Variants in NKTR observed in about 807,000 individuals in gnomAD.
NKTR encodes the protein natural killer cell triggering receptor.
A neutral mutation model predicts 156.3 loss-of-function variants in NKTR; 67 were observed. The observed-to-expected ratio is 0.43, with a 90% CI of 0.35 to 0.53. The LOEUF (loss-of-function observed/expected upper bound fraction) is 0.53, where lower values mean the gene tolerates loss of function less well. Among genes scored for constraint, NKTR ranks in the 20% least tolerant of loss-of-function variants. NKTR has a pLI of 0.01. For synonymous variants in NKTR, 640 were observed against 596.6 expected (o/e 1.07, Z -1.06); for missense variants, 1,604 against 1,730.9 (o/e 0.93, Z 1.30).
At chr3:42,601,197 T>G (rs1027635199) in intron 2 of NKTR, 133 bp downstream of exon 2, 2 of 662,270 alleles carry the variant, frequency 3.0e-6, no homozygotes, top group Admixed American at 6.9e-5. Flanking sequence ...CGTTTTCTCT[T>G]GAGAGAAAAT....
At chr3:42,618,935 G>A in intron 3 of NKTR, 85 bp from the exon 4 acceptor site, 1 of 1,154,762 alleles carries the variant, frequency 8.7e-7, no homozygotes, top group Middle Eastern at 2.3e-4. Flanking sequence ...GGAAAGATTT[G>A]ACACAGGATT....
At chr3:42,633,781 C>G (rs1178146263) in intron 10 of NKTR, 46 bp downstream of exon 10, 1 of 1,607,818 alleles carries the variant, frequency 6.2e-7, no homozygotes, top group African/African-American at 1.3e-5. Flanking sequence ...TCCGATAACA[C>G]TGTTCCGTCA....
chr3:42,636,761 C>T, intron 12 of NKTR, 107 bp from the exon 13 acceptor site: 1 of 1,438,830 alleles, frequency 7.0e-7, no homozygotes, highest in Non-Finnish European at 9.1e-7. Context: ...CCTGCGTGTG[C>T]TTAAAGTGTT....
chr3:42,630,331 T>G, intron 6 of NKTR: 1 of 1,386,600 alleles, frequency 7.2e-7, no homozygotes, highest in Non-Finnish European at 9.3e-7. Flanking sequence ...GAGATGATTG[T>G]AATTCATTAT....
chr3:42,604,051 A>C (rs1278339979), intron 2 of NKTR, among the ~76,000 whole-genome samples: 1 of 152,098 alleles, frequency 6.6e-6, no homozygotes, highest in Non-Finnish European at 1.5e-5. Flanking sequence ...GTTTTTATTA[A>C]AGAAATTGGT....
Position 42,632,612 on chromosome 3 carries a change from AAAAG to A in NKTR, c.563_566del (p.Lys188ArgfsTer66), listed in dbSNP as rs1253799167. Reference sequence around the variant, plus strand: ...ATGTTTCTTAAAAGTTTTTGAGAAAAAAAGGAAGAAACCAACTCATTCAGAAGGC... The same window carrying A: ...ATGTTTCTTAAAAGTTTTTGAGAAAAGAAGAAACCAACTCATTCAGAAGGC... On this transcript the variant is annotated frameshift_variant, in exon 9 of 17. Transcript: ENST00000232978. LOFTEE classifies it high-confidence loss of function. 2.5e-6 allele frequency: 4 copies of A among 1,598,764 alleles called. No individual in the cohort carries two copies. Among genetic ancestry groups the A allele is most frequent in the African/African-American group, 1.4e-5 (1 of 73,866 alleles).
intron 2 of NKTR, among the ~76,000 whole-genome samples, chr3:42,612,041 C>T (rs752150306): frequency 7.9e-5 from 12 of 152,178 alleles, no homozygotes; most frequent in Non-Finnish European, 1.2e-4. Flanking sequence ...GTTGAGGATG[C>T]AGTGAGCAGA....
chr3:42,637,749 G>A lies in NKTR; in HGVS notation c.2045G>A (p.Ser682Asn). ...GATCAGAGCACTTATTCAAAATACA[G>A]TGATAGAAGTTCAGAAAGCTCACCA... The part of the protein sequence containing the change: ...ESDQSTYSKY[S>N]DRSSESSPRS... The change falls in exon 13 of 17, where the codon AGT (serine) becomes AAT (asparagine). Residue 682 changes from serine to asparagine, a missense_variant. This residue lies in a region of NKTR where 1,255 missense variants were observed against 1,243.7 expected (regional missense o/e 1.01). Transcript: ENST00000232978. 1 of 1,613,812 alleles carries A rather than the reference G, an allele frequency of 6.2e-7. No homozygotes were observed. Among genetic ancestry groups the A allele is most frequent in the East Asian group, 2.2e-5 (1 of 44,886 alleles).
chr3:42,645,786 C>T (rs73085333), intron 16 of NKTR, 102 bp from the exon 17 acceptor site: 225,498 of 655,340 alleles, frequency 0.34, 41,509 homozygotes, highest in Admixed American at 0.51. Flanking sequence ...CTTGAAAACA[C>T]TATTGATGTT....
chr3:42,613,204 T>G (rs949551562), intron 2 of NKTR, among the ~76,000 whole-genome samples: 3 of 152,124 alleles, frequency 2.0e-5, no homozygotes, highest in African/African-American at 7.2e-5. Context: ...GCAGCTGCAT[T>G]TCCATGTGTC....
chr3:42,618,991 T>G, intron 3 of NKTR, 29 bp from the exon 4 acceptor site: 12 of 1,523,928 alleles, frequency 7.9e-6, no homozygotes, highest in Non-Finnish European at 1.1e-5. Flanking sequence ...TAATTAAACT[T>G]CATTTCTTTT....
intron 6 of NKTR, chr3:42,629,367 A>AT (rs1708690453): frequency 1.1e-6 from 1 of 946,360 alleles, no homozygotes; most frequent in Non-Finnish European, 1.3e-6. Flanking sequence ...TGACATTTTA[A>AT]TTTTTTTAAA....
rs1559591770 is a variant in NKTR at position 42,639,526 on chromosome 3, T to C, written c.3822T>C (p.Pro1274=). The C allele has an allele frequency of 6.2e-7, 1 of 1,614,178 alleles. No individual in the cohort carries two copies. Reference sequence around the variant, plus strand: ...TTAAAAGCAAAAATAAAGTTCGGCCTGGGTCTCTCTTTGATGAAGTAAGAA... The same window carrying C: ...TTAAAAGCAAAAATAAAGTTCGGCCCGGGTCTCTCTTTGATGAAGTAAGAA... The part of the protein sequence containing the change: ...IEIKSKNKVR[P]GSLFDEVRKT... The change falls in exon 13 of 17, where the codon CCT becomes CCC. Residue 1274 remains proline (P), a synonymous_variant. Coordinates refer to ENST00000232978, the MANE Select transcript of NKTR (RefSeq NM_005385.4).
rs766093945 is a variant in NKTR, at chr3:42,643,890, C to A, written c.4200-12C>A. 6 of 1,595,738 alleles carry A rather than the reference C, an allele frequency of 3.8e-6. No homozygotes were observed. The South Asian group carries it at 4.4e-5, about 12-fold the overall frequency. On this transcript the variant is annotated splice_polypyrimidine_tract_variant and intron_variant, in intron 15 of 16. Coordinates refer to ENST00000232978, the MANE Select transcript of NKTR (RefSeq NM_005385.4). The stretch of plus-strand genomic sequence containing the variant: ...TGGGAAAATTTAGTGTTTGTTGTTG[C>A]CGTTAAAGCAGGTCCTACACCTACG...
At chr3:42,612,072 A>G (rs1001231319) in intron 2 of NKTR, among the ~76,000 whole-genome samples, 3 of 152,342 alleles carry the variant, frequency 2.0e-5, no homozygotes, top group Non-Finnish European at 2.9e-5. Flanking sequence ...TTGCACTACA[A>G]CCTGGGGAAC....
At chr3:42,644,870 G>T (rs555514035) in intron 16 of NKTR, among the ~76,000 whole-genome samples, 1 of 152,248 alleles carries the variant, frequency 6.6e-6, no homozygotes, top group East Asian at 1.9e-4. Context: ...GTGCCTCTAA[G>T]ACAGCCCTTT....
intron 6 of NKTR, chr3:42,627,148 CT>C: frequency 1.1e-6 from 1 of 884,496 alleles, no homozygotes; most frequent in Non-Finnish European, 1.4e-6. Flanking sequence ...TCAGTCTTGT[CT>C]TAAAAGTGTA....
At chr3:42,618,857 C>G (rs112972628) in intron 3 of NKTR, among the ~76,000 whole-genome samples, 163 bp from the exon 4 acceptor site, 2 of 151,988 alleles carry the variant, frequency 1.3e-5, no homozygotes, top group Non-Finnish European at 2.9e-5. Flanking sequence ...TTTTGGTTTG[C>G]GTGCATGTGT....
chr3:42,627,063 T>TA (rs746893225), intron 6 of NKTR: 13 of 696,658 alleles, frequency 1.9e-5, no homozygotes, highest in Non-Finnish European at 2.3e-5. Context: ...GCCCTCCATT[T>TA]AAAAAAGCTT....
Sources: gnomAD v4.1 joint callset for allele counts (sites outside exome capture counted in the v4.1 genomes callset) on GRCh38, gnomAD v4.1.1 for gene constraint, gnomAD v4.1.1 regional missense constraint, MANE v1.5 for transcripts, NCBI Gene and HGNC (gene_info 2026-07-23, HGNC 2026-07-21) for gene names.